RFX4: variants seen among roughly 807,000 people sequenced by gnomAD.
The protein encoded by RFX4 is regulatory factor X4, also known as transcription factor RFX4.
Under a neutral mutation model 95.0 loss-of-function variants are expected in RFX4, and 10 were observed. That is an observed-to-expected ratio of 0.11 (90% CI 0.06 to 0.18). The LOEUF is 0.18. Among genes scored for constraint, RFX4 ranks in the 10% least tolerant of loss-of-function variants. RFX4 has a pLI of 1.00. For missense variants in RFX4, 640 were observed against 922.0 expected, an observed-to-expected ratio of 0.69 and a Z score of 3.96; for synonymous variants, 321 against 340.7, an observed-to-expected ratio of 0.94 and a Z score of 0.64.
intron 1 of RFX4, among the ~76,000 whole-genome samples, chr12:106,593,599 C>T (rs1259966886): frequency 6.6e-6 from 1 of 152,124 alleles, no homozygotes; most frequent in Non-Finnish European, 1.5e-5. Context: ...GATGTCAGTG[C>T]CTTTGTTTTG....
chr12:106,625,255 C>T (rs1175659556), intron 2 of RFX4, among the ~76,000 whole-genome samples: 1 of 152,102 alleles, frequency 6.6e-6, no homozygotes, highest in Admixed American at 6.5e-5. Context: ...TTTAGCAACC[C>T]AGAAAAGATT....
intron 1 of RFX4, among the ~76,000 whole-genome samples, chr12:106,595,066 A>AT (rs2039599038): frequency 6.6e-6 from 1 of 152,024 alleles, no homozygotes; most frequent in Non-Finnish European, 1.5e-5. Context: ...CAAACTTGTA[A>AT]TTTTTTCCAG....
intron 13 of RFX4, among the ~76,000 whole-genome samples, chr12:106,731,489 T>G (rs761552861): frequency 6.6e-6 from 1 of 152,204 alleles, no homozygotes; most frequent in Non-Finnish European, 1.5e-5. Flanking sequence ...CAAAATAATC[T>G]ACTCTAAATT....
At chr12:106,683,465 T>TAA (rs2041563391) in intron 5 of RFX4, 1 of 12,652 alleles carries the variant, frequency 7.9e-5, no homozygotes. Flanking sequence ...ATGACTATTC[T>TAA]GAAAAAAAAA....
chr12:106,628,783 A>T (rs1239526087), intron 2 of RFX4, among the ~76,000 whole-genome samples: 20 of 141,976 alleles, frequency 1.4e-4, no homozygotes, highest in African/African-American at 5.3e-4. Flanking sequence ...TTTTTTTGAG[A>T]CAGAGTCTCG....
chr12:106,615,830 CA>C (rs750370572), intron 2 of RFX4, among the ~76,000 whole-genome samples: 8 of 152,114 alleles, frequency 5.3e-5, no homozygotes, highest in Non-Finnish European at 1.0e-4. Context: ...CATATTTAGC[CA>C]CTTTGCTAAA....
intron 10 of RFX4, among the ~76,000 whole-genome samples, chr12:106,713,556 G>T (rs7959062): frequency 0.34 from 52,337 of 151,930 alleles, 9,082 homozygotes; most frequent in South Asian, 0.38. Flanking sequence ...GGAGGGAGAA[G>T]AATGTTCCGG....
At chr12:106,638,756 T>A (rs1349105356) in intron 2 of RFX4, among the ~76,000 whole-genome samples, 1 of 152,196 alleles carries the variant, frequency 6.6e-6, no homozygotes, top group Non-Finnish European at 1.5e-5. Context: ...GGTTCATAGA[T>A]GGCTATCTTC....
chr12:106,716,313 G>A (rs2042290293), intron 11 of RFX4, among the ~76,000 whole-genome samples: 1 of 152,076 alleles, frequency 6.6e-6, no homozygotes, highest in South Asian at 2.1e-4. Context: ...GCATTCCCAT[G>A]TTCTCAATGG....
At chr12:106,591,291 G>A (rs1442036483) in intron 1 of RFX4, among the ~76,000 whole-genome samples, 5 of 112,954 alleles carry the variant, frequency 4.4e-5, no homozygotes, top group Middle Eastern at 6.2e-3. Flanking sequence ...TTTTTTTGAC[G>A]GAGTCTTGCA....
At chr12:106,741,202 T>C (rs1378426189) in intron 15 of RFX4, among the ~76,000 whole-genome samples, 4 of 152,072 alleles carry the variant, frequency 2.6e-5, no homozygotes, top group East Asian at 1.9e-4. Flanking sequence ...GGATAGATAA[T>C]AGCCAATGAC....
intron 2 of RFX4, among the ~76,000 whole-genome samples, chr12:106,613,968 C>T (rs2040015747): frequency 1.3e-5 from 2 of 152,188 alleles, no homozygotes; most frequent in Admixed American, 1.3e-4. Flanking sequence ...CCAATTTAGA[C>T]TCCCACTATC....
intron 4 of RFX4, chr12:106,662,289 AT>A (rs2041090581): frequency 8.9e-6 from 2 of 225,110 alleles, no homozygotes; most frequent in African/African-American, 2.3e-5. Context: ...CGTTGTTTTA[AT>A]TTGCATTTCC....
At chr12:106,697,021 G>A (rs1172820946) in intron 8 of RFX4, among the ~76,000 whole-genome samples, 1 of 152,118 alleles carries the variant, frequency 6.6e-6, no homozygotes, top group African/African-American at 2.4e-5. Flanking sequence ...AGGGATGGAG[G>A]GAGGAGAGTG....
At chr12:106,639,223 C>T in intron 2 of RFX4, 109 bp from the exon 3 acceptor site, 1 of 872,378 alleles carries the variant, frequency 1.1e-6, no homozygotes, top group Non-Finnish European at 1.8e-6. Flanking sequence ...TTCAAAGCAT[C>T]AACATTTCAA....
intron 2 of RFX4, among the ~76,000 whole-genome samples, chr12:106,637,376 CTAATT>C (rs1254580428): frequency 6.6e-6 from 1 of 152,076 alleles, no homozygotes; most frequent in Non-Finnish European, 1.5e-5. Flanking sequence ...CTTTGATGAG[CTAATT>C]TAATTTTAGA....
intron 1 of RFX4, among the ~76,000 whole-genome samples, chr12:106,585,190 T>TG (rs2039437118): frequency 6.6e-6 from 1 of 152,200 alleles, no homozygotes; most frequent in African/African-American, 2.4e-5. Context: ...GTGGCCCTGC[T>TG]GGGGGGCTTT....
intron 3 of RFX4, among the ~76,000 whole-genome samples, chr12:106,653,454 C>T (rs923422757): frequency 2.0e-5 from 3 of 152,126 alleles, no homozygotes; most frequent in Non-Finnish European, 4.4e-5. Context: ...GAGGCACTTA[C>T]AATTCAATCC....
intron 2 of RFX4, among the ~76,000 whole-genome samples, chr12:106,624,498 T>A (rs2040250616): frequency 2.0e-5 from 3 of 152,204 alleles, no homozygotes; most frequent in Admixed American, 2.0e-4. Context: ...CTACTTTTTG[T>A]ATTTTTTTTT....
Sources: allele counts gnomAD v4.1 joint callset (sites outside exome capture counted in the v4.1 genomes callset), GRCh38; gene constraint gnomAD v4.1.1; transcripts MANE v1.5; gene names NCBI Gene and HGNC (gene_info 2026-07-23, HGNC 2026-07-21).